EFCAB8: variants seen among roughly 807,000 people sequenced by gnomAD.
The protein encoded by EFCAB8 is EF-hand calcium binding domain 8, also known as EF-hand calcium-binding domain-containing protein 8.
In EFCAB8, 100 loss-of-function variants were observed where a neutral mutation model predicts 116.3. The ratio of observed to expected loss-of-function variants is 0.86; its 90% CI spans 0.73 to 1.02. The LOEUF (loss-of-function observed/expected upper bound fraction) is 1.02. Among genes scored for constraint, EFCAB8 ranks in the 50% least tolerant of loss-of-function variants. EFCAB8 has a pLI of 0.00. For missense variants in EFCAB8, 1,320 were observed against 1,416.9 expected, an observed-to-expected ratio of 0.93 and a Z score of 1.10; for synonymous variants, 558 against 567.9, an observed-to-expected ratio of 0.98 and a Z score of 0.25.
intron 11 of EFCAB8, among the ~76,000 whole-genome samples, chr20:32,901,347 C>T (rs1986415743): frequency 6.6e-6 from 1 of 152,214 alleles, no homozygotes. Flanking sequence ...ACAAAAAAGT[C>T]TCATAATGTT....
In EFCAB8 at chr20:32,943,667, C is replaced by T; in HGVS notation, c.2822C>T (p.Pro941Leu). The T allele has an allele frequency of 2.4e-6, 1 of 417,134 alleles. No homozygotes were observed. Among genetic ancestry groups the T allele is most frequent in the South Asian group, 1.3e-4 (1 of 7,946 alleles). The allele number at this position is 417,134 out of a possible 1,614,324, so 25.8% of individuals were successfully genotyped here. A position where few individuals can be genotyped will look rare whatever the true frequency, so the allele number is the denominator to read the frequency against. ...GCTGGCCATACCATTTCCCTGGTTC[C>T]CCCCACGCTCCTGATGACCTGGAAA... ...VVAGHTISLV[P>L]PTLLMTWKGH... Residue 941 changes from proline to leucine, a missense_variant, in exon 23 of 27, where the codon CCC (proline) becomes CTC (leucine). Physicochemically the swap from Pro to Leu is moderately conservative, Grantham distance 98 (BLOSUM62 -3). Coordinates refer to ENST00000400522, the MANE Select transcript of EFCAB8 (RefSeq NM_001143967.2).
chr20:32,884,147 A>G (rs752484115), intron 5 of EFCAB8, among the ~76,000 whole-genome samples: 12 of 152,206 alleles, frequency 7.9e-5, no homozygotes, highest in Non-Finnish European at 1.2e-4. Flanking sequence ...TCAACCTACA[A>G]ACCCGGAGAG....
chr20:32,861,532 G>A (rs1336806884), intron 1 of EFCAB8, among the ~76,000 whole-genome samples: 9 of 152,212 alleles, frequency 5.9e-5, no homozygotes, highest in East Asian at 3.9e-4. Context: ...CAGGTGATCC[G>A]TCTGCCTCGG....
intron 17 of EFCAB8, among the ~76,000 whole-genome samples, chr20:32,915,488 T>C (rs1015316613): frequency 4.6e-5 from 7 of 152,192 alleles, no homozygotes; most frequent in African/African-American, 1.7e-4. Context: ...GAATGGTCTT[T>C]AACATCCATA....
At chr20:32,880,337 T>C (rs1163758549) in intron 5 of EFCAB8, among the ~76,000 whole-genome samples, 2 of 151,984 alleles carry the variant, frequency 1.3e-5, no homozygotes, top group African/African-American at 4.8e-5. Context: ...GGCTTGATCT[T>C]GGCTCACTGC....
chr20:32,918,518 C>A lies in EFCAB8; in HGVS notation c.2218C>A (p.Pro740Thr), dbSNP rs889014034. 6.4e-7 allele frequency: 1 copy of A among 1,551,628 alleles called. No individual in the cohort carries two copies. Among genetic ancestry groups the A allele is most frequent in the African/African-American group, 1.4e-5 (1 of 73,144 alleles). Residue 740 changes from proline (P) to threonine (T), a missense_variant, in exon 19 of 27, where the codon CCC becomes ACC. Coordinates refer to ENST00000400522, the MANE Select transcript of EFCAB8 (RefSeq NM_001143967.2). Reference protein sequence around the residue: ...TNLRRSLVSAPPVMRCPRDKE... With the variant: ...TNLRRSLVSATPVMRCPRDKE... ...CCTGAGGCGGAGCCTGGTGTCGGCT[C>A]CCCCAGTGATGCGGTGCCCGAGAGA...
chr20:32,929,491 T>C (rs1392518919), intron 20 of EFCAB8, among the ~76,000 whole-genome samples: 5 of 120,224 alleles, frequency 4.2e-5, no homozygotes, highest in Non-Finnish European at 6.8e-5. Context: ...CCTCCGCTTC[T>C]CTTCCCTTCT....
intron 10 of EFCAB8, among the ~76,000 whole-genome samples, chr20:32,897,149 G>A (rs1266318456): frequency 6.6e-6 from 1 of 152,038 alleles, no homozygotes; most frequent in East Asian, 1.9e-4. Flanking sequence ...TCTACTTCCT[G>A]TGGTCCCAAG....
At chr20:32,945,170 A>T (rs989330319) in intron 23 of EFCAB8, among the ~76,000 whole-genome samples, 11 of 151,376 alleles carry the variant, frequency 7.3e-5, no homozygotes, top group African/African-American at 1.5e-4. Context: ...TATTATTATT[A>T]TTTTTTGAGA....
chr20:32,861,172 C>A (rs899924815), intron 1 of EFCAB8, among the ~76,000 whole-genome samples: 1 of 152,208 alleles, frequency 6.6e-6, no homozygotes, highest in African/African-American at 2.4e-5. Context: ...TATAATGGTT[C>A]ACTTTTGGTT....
chr20:32,939,203 CCTCTCT>C (rs562450932), intron 22 of EFCAB8, among the ~76,000 whole-genome samples: 4 of 51,050 alleles, frequency 7.8e-5, no homozygotes, highest in South Asian at 6.8e-4. Flanking sequence ...TTCTTTCTTT[CCTCTCT>C]CTCTCTCTCT....
intron 11 of EFCAB8, among the ~76,000 whole-genome samples, chr20:32,905,770 A>AAAAAAAAAAAAAAAAC: frequency 6.6e-6 from 1 of 150,504 alleles, no homozygotes; most frequent in Non-Finnish European, 1.5e-5. Flanking sequence ...AAAAAAAAAA[A>AAAAAAAAAAAAAAAAC]AAAGGACATT....
intron 23 of EFCAB8, among the ~76,000 whole-genome samples, chr20:32,952,272 G>GA (rs375941211): frequency 1.0e-4 from 15 of 147,532 alleles, no homozygotes; most frequent in South Asian, 2.2e-4. Context: ...CTCAAAAAAA[G>GA]AAAAAAAAAA....
intron 22 of EFCAB8, among the ~76,000 whole-genome samples, chr20:32,931,778 A>G (rs1987920935): frequency 6.6e-6 from 1 of 151,714 alleles, no homozygotes; most frequent in African/African-American, 2.4e-5. Context: ...AAGAGTTAGT[A>G]TTCGTAATAA....
chr20:32,859,532 A>T (rs1322845097), intron 1 of EFCAB8, among the ~76,000 whole-genome samples: 1 of 152,226 alleles, frequency 6.6e-6, no homozygotes, highest in Non-Finnish European at 1.5e-5. Context: ...TCATGAACAT[A>T]CATAGAACCA....
chr20:32,894,035 C>T (rs1487647996), intron 9 of EFCAB8, among the ~76,000 whole-genome samples: 2 of 152,172 alleles, frequency 1.3e-5, no homozygotes, highest in Non-Finnish European at 2.9e-5. Context: ...AGGAGGAAGT[C>T]ATTGGAGCTG....
chr20:32,960,081 G>A lies in EFCAB8; in HGVS notation c.3313G>A (p.Ala1105Thr). Residue 1105 changes from alanine to threonine, a missense_variant, in exon 26 of 27, where the codon GCG becomes ACG. Ala to Thr is a moderately conservative substitution (Grantham distance 58). Transcript: ENST00000400522. ...RDKQVSKVLG[A>T]AYKPKERLQN... is the part of the protein sequence containing the mutation. ...CCTGCAGGTGAGCAAAGTCTTGGGAGCGGCGTATAAGCCCAAGGAACGCTT... is the reference window on the plus strand; with the variant it reads ...CCTGCAGGTGAGCAAAGTCTTGGGAACGGCGTATAAGCCCAAGGAACGCTT... 6.4e-7 allele frequency: 1 copy of A among 1,551,732 alleles called. No individual in the cohort carries two copies. Among genetic ancestry groups the A allele is most frequent in the East Asian group, 2.4e-5 (1 of 40,916 alleles).
At chr20:32,919,799 T>C (rs1484492206) in intron 19 of EFCAB8, among the ~76,000 whole-genome samples, 2 of 152,078 alleles carry the variant, frequency 1.3e-5, no homozygotes, top group Non-Finnish European at 2.9e-5. Context: ...ACGACCGACC[T>C]TTATCCTCAT....
intron 2 of EFCAB8, among the ~76,000 whole-genome samples, chr20:32,865,680 TC>T (rs1234728452): frequency 6.6e-6 from 1 of 151,614 alleles, no homozygotes; most frequent in Non-Finnish European, 1.5e-5. Flanking sequence ...ATGCCTGTAG[TC>T]CCAGCTACTT....
Sources: allele counts gnomAD v4.1 joint callset (sites outside exome capture counted in the v4.1 genomes callset), GRCh38; gene constraint gnomAD v4.1.1; transcripts MANE v1.5; gene names NCBI Gene and HGNC (gene_info 2026-07-23, HGNC 2026-07-21).